The following HS3ST4 variants were observed in gnomAD, a reference collection of about 807,000 sequenced individuals.
HS3ST4 encodes the protein heparan sulfate glucosamine 3-O-sulfotransferase 4.
Under a neutral mutation model 29.2 loss-of-function variants are expected in HS3ST4, and 17 were observed. The observed-to-expected ratio is 0.58, with a 90% CI of 0.40 to 0.87. HS3ST4 has a LOEUF of 0.87. Ranked by LOEUF, HS3ST4 falls within the 40% of genes least tolerant of loss-of-function variation. The pLI is 0.00. For synonymous variants in HS3ST4, 314 were observed against 285.7 expected (o/e 1.10, Z -1.00); for missense variants, 627 against 634.5 (o/e 0.99, Z 0.13).
chr16:25,796,894 G>A (rs532891602), intron 1 of HS3ST4, among the ~76,000 whole-genome samples: 3 of 152,124 alleles, frequency 2.0e-5, no homozygotes, highest in Non-Finnish European at 4.4e-5. Flanking sequence ...CGTTGCGGTC[G>A]CATTGGTAAA....
At chr16:25,841,699 C>A (rs1167347399) in intron 1 of HS3ST4, among the ~76,000 whole-genome samples, 2 of 152,150 alleles carry the variant, frequency 1.3e-5, no homozygotes, top group East Asian at 3.8e-4. Flanking sequence ...ATTAGATTCA[C>A]CTTCCCGAGT....
At chr16:25,819,156 A>G (rs1466011656) in intron 1 of HS3ST4, among the ~76,000 whole-genome samples, 10 of 152,132 alleles carry the variant, frequency 6.6e-5, no homozygotes, top group Admixed American at 6.5e-4. Flanking sequence ...GGTAGGGTGG[A>G]TCCATTGCTG....
chr16:25,833,223 C>T (rs1458859847), intron 1 of HS3ST4, among the ~76,000 whole-genome samples: 1 of 152,068 alleles, frequency 6.6e-6, no homozygotes, highest in African/African-American at 2.4e-5. Context: ...TTGCATGCCC[C>T]TAAAGTTAGG....
intron 1 of HS3ST4, among the ~76,000 whole-genome samples, chr16:26,009,902 C>T (rs1969295119): frequency 6.6e-6 from 1 of 152,188 alleles, no homozygotes; most frequent in African/African-American, 2.4e-5. Context: ...ACTGCAGTCA[C>T]CGACCTTGGG....
intron 1 of HS3ST4, among the ~76,000 whole-genome samples, chr16:25,851,058 G>T (rs1023045631): frequency 1.3e-5 from 2 of 152,150 alleles, no homozygotes; most frequent in Non-Finnish European, 2.9e-5. Context: ...TTAATTTGGA[G>T]AAATCACTCA....
intron 1 of HS3ST4, among the ~76,000 whole-genome samples, chr16:25,759,863 C>T (rs1966778913): frequency 6.6e-6 from 1 of 152,012 alleles, no homozygotes; most frequent in South Asian, 2.1e-4. Flanking sequence ...ACACTCCAGC[C>T]TGGGTGACAA....
At chr16:26,105,434 A>T (rs2141799336) in intron 1 of HS3ST4, among the ~76,000 whole-genome samples, 1 of 152,312 alleles carries the variant, frequency 6.6e-6, no homozygotes, top group African/African-American at 2.4e-5. Flanking sequence ...CATACTCCAA[A>T]CTTTAGCATC....
intron 1 of HS3ST4, among the ~76,000 whole-genome samples, chr16:25,908,096 G>A (rs1259518156): frequency 6.6e-6 from 1 of 152,172 alleles, no homozygotes; most frequent in African/African-American, 2.4e-5. Context: ...TGGAGAGAGA[G>A]GTGAGAAACT....
intron 1 of HS3ST4, among the ~76,000 whole-genome samples, chr16:26,131,541 A>C (rs1019455535): frequency 6.6e-6 from 1 of 152,212 alleles, no homozygotes; most frequent in African/African-American, 2.4e-5. Flanking sequence ...AGATGCAGTT[A>C]AAATGAACTT....
chr16:25,704,903 A>C (rs1436597523), intron 1 of HS3ST4, among the ~76,000 whole-genome samples: 1 of 149,656 alleles, frequency 6.7e-6, no homozygotes, highest in South Asian at 2.1e-4. Flanking sequence ...AAAATTGTAG[A>C]GAAGACATCT....
chr16:25,696,202 G>T (rs1198384310), intron 1 of HS3ST4, among the ~76,000 whole-genome samples: 1 of 152,170 alleles, frequency 6.6e-6, no homozygotes, highest in Non-Finnish European at 1.5e-5. Context: ...AATAAATTTG[G>T]TGAGATTAAA....
chr16:25,970,328 A>G (rs1349034396), intron 1 of HS3ST4, among the ~76,000 whole-genome samples: 3 of 152,254 alleles, frequency 2.0e-5, no homozygotes, highest in African/African-American at 2.4e-5. Context: ...CTTGAACATA[A>G]TAAGTGCTCA....
At chr16:25,952,594 G>A (rs1230072383) in intron 1 of HS3ST4, among the ~76,000 whole-genome samples, 34 of 152,146 alleles carry the variant, frequency 2.2e-4, no homozygotes, top group Admixed American at 2.2e-3. Flanking sequence ...ATGGCTTAAG[G>A]ATCACAGGCA....
intron 1 of HS3ST4, among the ~76,000 whole-genome samples, chr16:25,972,554 A>G (rs757159264): frequency 6.6e-6 from 1 of 152,224 alleles, no homozygotes; most frequent in Non-Finnish European, 1.5e-5. Context: ...GTCTTTCCAC[A>G]TGAATATCTG....
intron 1 of HS3ST4, among the ~76,000 whole-genome samples, chr16:26,033,637 G>T (rs1459443385): frequency 7.2e-5 from 11 of 152,190 alleles, no homozygotes; most frequent in Admixed American, 6.5e-4. Context: ...TGGGAAGCTC[G>T]CTTGAGCACA....
In HS3ST4 at chr16:25,813,845, G is replaced by C. The variant is rs181314873; in HGVS notation, c.734+120694G>C. 2.6e-3 allele frequency among the ~76,000 whole-genome samples: 398 copies of C among 152,200 alleles called. 1 individual carries two copies. Among genetic ancestry groups the C allele is most frequent in the Non-Finnish European group, 4.6e-3 (310 of 68,022 alleles). On this transcript the variant is annotated intron_variant, in intron 1 of 1. Coordinates refer to ENST00000331351, the MANE Select transcript of HS3ST4 (RefSeq NM_006040.3). ...GGAAACAACCCAAATGTCCATTATC[G>C]GGTGAGTGGATAAATAAATTGTGGT...
intron 1 of HS3ST4, among the ~76,000 whole-genome samples, chr16:25,946,770 C>G (rs1429446157): frequency 1.3e-5 from 2 of 152,054 alleles, no homozygotes; most frequent in African/African-American, 4.8e-5. Context: ...TCAGGAAAGG[C>G]TTCTGGGAGG....
chr16:25,705,899 C>T (rs1170611482), intron 1 of HS3ST4, among the ~76,000 whole-genome samples: 5 of 152,090 alleles, frequency 3.3e-5, no homozygotes, highest in African/African-American at 1.2e-4. Context: ...TCGACTTAGT[C>T]TACATATGTT....
At chr16:25,792,300 C>T (rs1966870991) in intron 1 of HS3ST4, among the ~76,000 whole-genome samples, 1 of 151,812 alleles carries the variant, frequency 6.6e-6, no homozygotes, top group Admixed American at 6.6e-5. Flanking sequence ...TAAATTAATG[C>T]TTGCCTCATA....
Sources: allele counts gnomAD v4.1 joint callset (sites outside exome capture counted in the v4.1 genomes callset), GRCh38; gene constraint gnomAD v4.1.1; transcripts MANE v1.5; gene names NCBI Gene and HGNC (gene_info 2026-07-23, HGNC 2026-07-21).